MALRD1: variants seen among roughly 807,000 people sequenced by gnomAD.
MALRD1 encodes MAM and LDL-receptor class A domain-containing protein 1.
MALRD1 carries 247 observed loss-of-function variants against 242.1 expected under a neutral mutation model. The observed-to-expected ratio is 1.02, with a 90% CI of 0.92 to 1.13. MALRD1 has a LOEUF of 1.13. MALRD1 is among the 50% of genes most tolerant of loss of function. The pLI is 0.00. For missense variants in MALRD1, 2,989 were observed against 2,533.1 expected (o/e 1.18, Z -3.86); for synonymous variants, 995 against 866.6 (o/e 1.15, Z -2.60).
intron 33 of MALRD1, among the ~76,000 whole-genome samples, chr10:19,577,355 A>G (rs757206888): frequency 4.6e-5 from 7 of 152,206 alleles, no homozygotes; most frequent in Non-Finnish European, 8.8e-5. Context: ...TAGAAGGGAT[A>G]TTAGATTTGA....
chr10:19,622,705 G>C (rs1004690949), intron 36 of MALRD1, among the ~76,000 whole-genome samples: 1 of 150,228 alleles, frequency 6.7e-6, no homozygotes, highest in Admixed American at 6.6e-5. Flanking sequence ...ATGAGAATAT[G>C]AGTACTACTG....
chr10:19,615,712 C>T, intron 35 of MALRD1, 145 bp from the exon 36 acceptor site: 1 of 626,108 alleles, frequency 1.6e-6, no homozygotes, highest in Non-Finnish European at 2.7e-6. Context: ...AGGAAAGTAG[C>T]CTATGGGAAT....
chr10:19,548,306 G>A (rs1352276987), intron 32 of MALRD1, among the ~76,000 whole-genome samples: 1 of 151,926 alleles, frequency 6.6e-6, no homozygotes, highest in East Asian at 1.9e-4. Flanking sequence ...GCCTACTTGA[G>A]TCATTCGATG....
Position 19,618,716 on chromosome 10 carries a change from T to C in MALRD1, c.6137+2793T>C, listed in dbSNP as rs147715902. The stretch of plus-strand genomic sequence containing the variant: ...TCTTGTAAATTTGAAACCCCTTGTA[T>C]TAAAAAGGCACTTTAACCTGTAATT... On this transcript the variant is annotated intron_variant, in intron 36 of 39. Transcript: ENST00000454679. 2.1e-3 allele frequency among the ~76,000 whole-genome samples: 316 copies of C among 152,148 alleles called. 2 individuals carry two copies. The highest frequency in any genetic ancestry group is 6.2e-3 in the African/African-American group (258 of 41,530).
At chr10:19,583,948 C>G (rs1419032145) in intron 33 of MALRD1, among the ~76,000 whole-genome samples, 2 of 152,070 alleles carry the variant, frequency 1.3e-5, no homozygotes, top group Non-Finnish European at 2.9e-5. Context: ...CTGGTTTAGT[C>G]TTGGGAGAGT....
intron 13 of MALRD1, among the ~76,000 whole-genome samples, chr10:19,170,442 C>G (rs1242159927): frequency 1.3e-5 from 2 of 152,086 alleles, no homozygotes; most frequent in African/African-American, 4.8e-5. Flanking sequence ...TGAAATGAAC[C>G]TTTTGTGAAA....
intron 18 of MALRD1, among the ~76,000 whole-genome samples, chr10:19,210,153 C>T (rs1836984227): frequency 6.6e-6 from 1 of 152,202 alleles, no homozygotes; most frequent in Admixed American, 6.6e-5. Flanking sequence ...TCTCCTTACT[C>T]CTGGGGGAAT....
chr10:19,483,104 C>A (rs1205821871), intron 29 of MALRD1, among the ~76,000 whole-genome samples: 1 of 151,362 alleles, frequency 6.6e-6, no homozygotes, highest in Non-Finnish European at 1.5e-5. Flanking sequence ...GACACATAGA[C>A]CAATGGAACA....
At chr10:19,512,744 C>G (rs1406303044) in intron 31 of MALRD1, among the ~76,000 whole-genome samples, 1 of 152,156 alleles carries the variant, frequency 6.6e-6, no homozygotes, top group Non-Finnish European at 1.5e-5. Context: ...ACTTGGTTGT[C>G]TTCCCAGAAT....
chr10:19,491,676 A>C, intron 30 of MALRD1, 31 bp downstream of exon 30: 28 of 1,538,844 alleles, frequency 1.8e-5, no homozygotes, highest in Non-Finnish European at 2.4e-5. Context: ...TATGGCAGCC[A>C]GTTCAGCAGA....
intron 38 of MALRD1, among the ~76,000 whole-genome samples, chr10:19,719,235 T>TACATAC (rs745328536): frequency 2.2e-4 from 25 of 116,220 alleles, no homozygotes; most frequent in African/African-American, 3.3e-4. Flanking sequence ...TATATATATA[T>TACATAC]ATATATATAT....
chr10:19,595,080 C>G, intron 33 of MALRD1, 114 bp from the exon 34 acceptor site: 1 of 1,053,176 alleles, frequency 9.5e-7, no homozygotes, highest in Admixed American at 3.0e-5. Context: ...AATTAATTTA[C>G]TTCAATTAAT....
intron 14 of MALRD1, among the ~76,000 whole-genome samples, chr10:19,185,093 C>T (rs1389966630): frequency 3.3e-5 from 5 of 152,070 alleles, no homozygotes; most frequent in Non-Finnish European, 5.9e-5. Flanking sequence ...TGCTTTCTTT[C>T]GTTCCAAGAG....
chr10:19,117,173 G>A (rs1836900563), intron 5 of MALRD1, among the ~76,000 whole-genome samples: 1 of 151,686 alleles, frequency 6.6e-6, no homozygotes, highest in South Asian at 2.1e-4. Context: ...ATAAATAACT[G>A]ACATCTTTAA....
chr10:19,589,818 C>G (rs998700120), intron 33 of MALRD1, among the ~76,000 whole-genome samples: 1 of 152,102 alleles, frequency 6.6e-6, no homozygotes, highest in African/African-American at 2.4e-5. Flanking sequence ...GGGGTATATG[C>G]GAATGACACT....
Position 19,280,039 on chromosome 10 carries a change from T to G in MALRD1, c.3080-8T>G. 6.7e-7 allele frequency: 1 copy of G among 1,485,226 alleles called. No individual in the cohort carries two copies. 92.0% of individuals were successfully genotyped at this position (1,485,226 alleles called of 1,614,324 possible). ...CTAAATGATGCCTGTATATTATTTCTTATCAAGGTAATTTGCCAGCAGACC... is the reference window on the plus strand; with the variant it reads ...CTAAATGATGCCTGTATATTATTTCGTATCAAGGTAATTTGCCAGCAGACC... On this transcript the variant is annotated splice_polypyrimidine_tract_variant and splice_region_variant and intron_variant, in intron 19 of 39. Transcript: ENST00000454679.
At chr10:19,723,942 C>T (rs1315148503) in intron 38 of MALRD1, among the ~76,000 whole-genome samples, 1 of 151,274 alleles carries the variant, frequency 6.6e-6, no homozygotes, top group Non-Finnish European at 1.5e-5. Flanking sequence ...CCTATAGTCC[C>T]AGCAACTCAG....
chr10:19,149,668 A>AT (rs1361610084), intron 11 of MALRD1, among the ~76,000 whole-genome samples: 17 of 152,134 alleles, frequency 1.1e-4, no homozygotes, highest in South Asian at 2.1e-4. Context: ...AATACTATCT[A>AT]TTTTTTTCAT....
chr10:19,612,833 G>A (rs1838963382), intron 35 of MALRD1, among the ~76,000 whole-genome samples: 1 of 151,816 alleles, frequency 6.6e-6, no homozygotes. Flanking sequence ...CTAGGGGGAT[G>A]GTGGTGACCT....
Sources: allele counts gnomAD v4.1 joint callset (sites outside exome capture counted in the v4.1 genomes callset), GRCh38; gene constraint gnomAD v4.1.1; transcripts MANE v1.5; gene names NCBI Gene and HGNC (gene_info 2026-07-23, HGNC 2026-07-21).